Variants in STK38L observed in about 807,000 individuals in gnomAD.
STK38L encodes serine/threonine-protein kinase 38-like.
STK38L carries 28 observed loss-of-function variants against 59.7 expected under a neutral mutation model. That is an observed-to-expected ratio of 0.47 (90% CI 0.35 to 0.64). The LOEUF is 0.64. Ranked by LOEUF, STK38L falls within the 30% of genes least tolerant of loss-of-function variation. The probability of loss-of-function intolerance (pLI) is 0.01; values close to 1 mark genes in which losing one functional copy is unlikely to be tolerated. For missense variants in STK38L, 314 were observed against 555.8 expected (o/e 0.56, Z 4.37); for synonymous variants, 162 against 176.8 (o/e 0.92, Z 0.66).
At chr12:27,256,008 A>G (rs1289249720) in intron 1 of STK38L, among the ~76,000 whole-genome samples, 3 of 152,188 alleles carry the variant, frequency 2.0e-5, no homozygotes, top group Non-Finnish European at 4.4e-5. Flanking sequence ...CTTAAGCTGT[A>G]AACCTGGAAA....
chr12:27,270,603 C>T (rs1255263639), intron 1 of STK38L, among the ~76,000 whole-genome samples: 5 of 152,144 alleles, frequency 3.3e-5, no homozygotes, highest in African/African-American at 4.8e-5. Flanking sequence ...GTCTCGAGCT[C>T]CTGACCTCAA....
At chr12:27,255,606 T>C (rs567978808) in intron 1 of STK38L, among the ~76,000 whole-genome samples, 1 of 152,282 alleles carries the variant, frequency 6.6e-6, no homozygotes, top group Non-Finnish European at 1.5e-5. Context: ...ATGTTTAGTC[T>C]TTGCCTAAAT....
chr12:27,274,747 C>T (rs566030763), intron 1 of STK38L, among the ~76,000 whole-genome samples: 4 of 152,292 alleles, frequency 2.6e-5, no homozygotes, highest in Middle Eastern at 3.4e-3. Flanking sequence ...TTTCCAAACT[C>T]GTCTCTTTTA....
intron 1 of STK38L, among the ~76,000 whole-genome samples, chr12:27,252,024 G>A (rs2136601824): frequency 6.6e-6 from 1 of 152,178 alleles, no homozygotes; most frequent in African/African-American, 2.4e-5. Flanking sequence ...GTGTCACCCA[G>A]GCTGGAGTGC....
intron 2 of STK38L, among the ~76,000 whole-genome samples, chr12:27,299,310 AAT>A (rs1174520377): frequency 2.0e-5 from 3 of 152,240 alleles, no homozygotes; most frequent in Non-Finnish European, 2.9e-5. Flanking sequence ...ATCAACTTAA[AAT>A]AGGAATATGT....
intron 1 of STK38L, among the ~76,000 whole-genome samples, chr12:27,244,817 G>A (rs1194053594): frequency 2.0e-5 from 3 of 152,160 alleles, no homozygotes; most frequent in Non-Finnish European, 4.4e-5. Context: ...CATTTCTCAA[G>A]ACAGACTCAG....
At chr12:27,247,003 G>C (rs763265582) in intron 1 of STK38L, among the ~76,000 whole-genome samples, 2 of 152,164 alleles carry the variant, frequency 1.3e-5, no homozygotes, top group Non-Finnish European at 2.9e-5. Flanking sequence ...TGTTTTATGA[G>C]GAAGCCAAGG....
At chr12:27,257,521 G>T (rs1943115226) in intron 1 of STK38L, among the ~76,000 whole-genome samples, 1 of 152,092 alleles carries the variant, frequency 6.6e-6, no homozygotes, top group Admixed American at 6.5e-5. Context: ...ACTCACTTTT[G>T]ACCAGACTTG....
chr12:27,297,670 T>G (rs562035126), intron 1 of STK38L, 40 bp from the exon 2 acceptor site: 120 of 1,569,236 alleles, frequency 7.6e-5, no homozygotes, highest in Non-Finnish European at 1.0e-4. Flanking sequence ...ATAGGGGTTT[T>G]TTTTCCCACT....
At chr12:27,306,992 G>A (rs573448389) in intron 3 of STK38L, among the ~76,000 whole-genome samples, 2 of 152,256 alleles carry the variant, frequency 1.3e-5, no homozygotes, top group African/African-American at 4.8e-5. Context: ...GCCTCCCAAA[G>A]TGCTGGGATT....
At chr12:27,301,215 TG>T (rs1277701620) in intron 2 of STK38L, among the ~76,000 whole-genome samples, 1 of 152,248 alleles carries the variant, frequency 6.6e-6, no homozygotes, top group East Asian at 1.9e-4. Context: ...TGAACCTGGC[TG>T]TACCTAGAAA....
At chr12:27,292,055 C>A (rs751069776) in intron 1 of STK38L, among the ~76,000 whole-genome samples, 17 of 152,212 alleles carry the variant, frequency 1.1e-4, no homozygotes, top group Non-Finnish European at 2.1e-4. Context: ...ATAGAGCAGT[C>A]TGGAGAAAAC....
intron 9 of STK38L, among the ~76,000 whole-genome samples, chr12:27,316,971 T>A (rs1189087706): frequency 1.3e-5 from 2 of 152,180 alleles, no homozygotes; most frequent in Non-Finnish European, 1.5e-5. Context: ...TTCATTCTTT[T>A]TGAAATAGAC....
chr12:27,317,458 G>C lies in STK38L; in HGVS notation c.955+5G>C. The stretch of plus-strand genomic sequence containing the variant: ...TTATGTATGAAATGCTAATAGGTAT[G>C]TTTTATCATTCATTTATGTACAAAA... On this transcript the variant is annotated splice_donor_5th_base_variant and intron_variant, in intron 10 of 13. Coordinates refer to ENST00000389032, the MANE Select transcript of STK38L (RefSeq NM_015000.4). 1 of 1,576,798 alleles carries C rather than the reference G, an allele frequency of 6.3e-7. No individual in the cohort carries two copies. Among genetic ancestry groups the C allele is most frequent in the Non-Finnish European group, 8.7e-7 (1 of 1,152,828 alleles).
chr12:27,279,453 G>A (rs1257273503), intron 1 of STK38L, among the ~76,000 whole-genome samples: 2 of 151,994 alleles, frequency 1.3e-5, no homozygotes, highest in South Asian at 2.1e-4. Context: ...GGCTGGGCTT[G>A]GTGGCTCACG....
chr12:27,320,087 C>T (rs758207486), intron 12 of STK38L, among the ~76,000 whole-genome samples: 1 of 152,184 alleles, frequency 6.6e-6, no homozygotes. Flanking sequence ...TCCTACTCCT[C>T]TTCCCACCTC....
intron 1 of STK38L, among the ~76,000 whole-genome samples, chr12:27,251,854 T>G (rs1942981643): frequency 6.6e-6 from 1 of 152,256 alleles, no homozygotes; most frequent in African/African-American, 2.4e-5. Flanking sequence ...TATCTCATTG[T>G]GCACTCAATT....
intron 1 of STK38L, among the ~76,000 whole-genome samples, chr12:27,276,259 ATGT>A (rs1224101434): frequency 1.3e-5 from 2 of 152,134 alleles, no homozygotes; most frequent in African/African-American, 2.4e-5. Flanking sequence ...TAAATCCTTG[ATGT>A]TGTATGATTT....
chr12:27,255,524 T>G (rs566126872), intron 1 of STK38L, among the ~76,000 whole-genome samples: 1 of 152,256 alleles, frequency 6.6e-6, no homozygotes, highest in South Asian at 2.1e-4. Context: ...ATTTTCAGAG[T>G]TGAAAGATGC....
Sources: gnomAD v4.1 joint callset for allele counts (sites outside exome capture counted in the v4.1 genomes callset) on GRCh38, gnomAD v4.1.1 for gene constraint, MANE v1.5 for transcripts, NCBI Gene and HGNC (gene_info 2026-07-23, HGNC 2026-07-21) for gene names.